Variants in ACIN1 observed in about 807,000 individuals in gnomAD.
ACIN1 encodes apoptotic chromatin condensation inducer in the nucleus.
In ACIN1, 16 loss-of-function variants were observed where a neutral mutation model predicts 146.6. The observed-to-expected ratio is 0.11, with a 90% confidence interval of 0.07 to 0.17. The LOEUF (loss-of-function observed/expected upper bound fraction) is 0.17. Ranked by LOEUF, ACIN1 falls within the 10% of genes least tolerant of loss-of-function variation. The pLI, the probability that ACIN1 is intolerant of heterozygous loss-of-function variation, is 1.00. For synonymous variants in ACIN1, 569 were observed against 582.7 expected (o/e 0.98, Z 0.34); for missense variants, 1,357 against 1,609.3 (o/e 0.84, Z 2.68).
Position 23,059,106 on chromosome 14 carries a change from G to A in ACIN1, c.*42C>T. On this transcript the variant is annotated 3_prime_UTR_variant, in exon 19 of 19. Transcript: ENST00000605057. Reference sequence around the variant, plus strand: ...TATCCCTCTGTGGCCATAACCCCCTGGGGCCGAGTGGCTGGTACCTGCAGC... The same window carrying A: ...TATCCCTCTGTGGCCATAACCCCCTAGGGCCGAGTGGCTGGTACCTGCAGC... 1 of 1,595,852 alleles carries A rather than the reference G, an allele frequency of 6.3e-7. No individual in the cohort carries two copies. The highest frequency in any genetic ancestry group is 8.6e-7 in the Non-Finnish European group (1 of 1,169,110).
intron 8 of ACIN1, among the ~76,000 whole-genome samples, chr14:23,072,420 A>G (rs758398527): frequency 3.9e-5 from 6 of 152,222 alleles, no homozygotes; most frequent in Non-Finnish European, 8.8e-5. Flanking sequence ...TAAAGTAGAT[A>G]AGACAGTGAA....
At chr14:23,094,879 T>A in intron 1 of ACIN1, 96 bp downstream of exon 1, 1 of 1,477,660 alleles carries the variant, frequency 6.8e-7, no homozygotes. Context: ...CTGAGCGAGC[T>A]CGCGCCGAGC....
Position 23,062,953 on chromosome 14 carries a change from G to A in ACIN1, c.2859C>T (p.Ser953=). ...CCAAATTGGAGATATGGACAATGTT[G>A]CTAATCTTGCCCCGGGGTGGGGAGG... ...QVPSPPRGKI[S]NIVHISNLVR... Residue 953 remains serine, a synonymous_variant, in exon 14 of 19, where the codon AGC becomes AGT. Transcript: ENST00000605057. 6.2e-7 allele frequency: 1 copy of A among 1,610,270 alleles called. No homozygotes were observed. The highest frequency in any genetic ancestry group is 1.1e-5 in the South Asian group (1 of 90,272).
chr14:23,091,568 A>G (rs1409844553), intron 2 of ACIN1, among the ~76,000 whole-genome samples: 3 of 74,678 alleles, frequency 4.0e-5, no homozygotes, highest in Non-Finnish European at 8.3e-5. Flanking sequence ...CCATCTCAAG[A>G]AAAAAAAAAA....
rs2047276947 is a variant in ACIN1 at position 23,061,461 on chromosome 14, C to T, written c.3261G>A (p.Gln1087=). Residue 1087 remains glutamine (Q), a synonymous_variant, in exon 17 of 19, where the codon CAG becomes CAA. Coordinates refer to ENST00000605057, the MANE Select transcript of ACIN1 (RefSeq NM_001386863.1). ...CCATTTCCCGTTCCCGTTCTGCCCA[C>T]TGTTCCCGCACTGCCCGTTCCTGCT... The part of the protein sequence containing the change: ...QREQERAVRE[Q]WAEREREMER... 3 of 1,472,930 alleles carry T rather than the reference C, an allele frequency of 2.0e-6. No homozygotes were observed. The highest frequency in any genetic ancestry group is 2.7e-6 in the Non-Finnish European group (3 of 1,091,786). The allele number at this position is 1,472,930 out of a possible 1,614,324, so 91.2% of individuals were successfully genotyped here. A position where few individuals can be genotyped will look rare whatever the true frequency, so the allele number is the denominator to read the frequency against.
intron 8 of ACIN1, among the ~76,000 whole-genome samples, chr14:23,070,849 G>A (rs758941344): frequency 1.1e-4 from 16 of 152,096 alleles, no homozygotes; most frequent in Admixed American, 1.0e-3. Flanking sequence ...GGGGAAAATC[G>A]GAACTGTGCC....
chr14:23,073,713 G>A (rs987194147), intron 8 of ACIN1, among the ~76,000 whole-genome samples: 1 of 152,122 alleles, frequency 6.6e-6, no homozygotes, highest in Non-Finnish European at 1.5e-5. Context: ...TTACACCACA[G>A]AAAATGTTAC....
At position 23,063,702 on chromosome 14, in the gene ACIN1, G is replaced by A. The variant is rs1048077902; in HGVS notation, c.2596-125C>T. Reference sequence around the variant, plus strand: ...ATGTTCCTTCCGCTAGGGGTATTTCGTTATCGGCTCACTTCTACCAGATCC... The same window carrying A: ...ATGTTCCTTCCGCTAGGGGTATTTCATTATCGGCTCACTTCTACCAGATCC... On this transcript the variant is annotated intron_variant, in intron 12 of 18. Transcript: ENST00000605057. 1.8e-5 allele frequency: 20 copies of A among 1,135,546 alleles called. No homozygotes were observed. In the South Asian group the frequency reaches 2.3e-4, roughly 13 times the overall value. 70.3% of individuals were successfully genotyped at this position (1,135,546 alleles called of 1,614,324 possible). A position where few individuals can be genotyped will look rare whatever the true frequency, so the allele number is the denominator to read the frequency against.
At chr14:23,066,067 G>C in intron 9 of ACIN1, 59 bp from the exon 10 acceptor site, 8 of 1,473,246 alleles carry the variant, frequency 5.4e-6, no homozygotes, top group Non-Finnish European at 7.6e-6. Context: ...ACAGAGAGGG[G>C]GGAAGGAGGT....
chr14:23,061,020 TC>T, intron 18 of ACIN1, 63 bp downstream of exon 18: 3 of 1,475,854 alleles, frequency 2.0e-6, no homozygotes, highest in Middle Eastern at 2.3e-4. Context: ...CACATGAATC[TC>T]CCCTCACCCT....
intron 1 of ACIN1, among the ~76,000 whole-genome samples, chr14:23,093,774 C>T (rs981803726): frequency 5.3e-5 from 8 of 152,174 alleles, no homozygotes; most frequent in Non-Finnish European, 7.3e-5. Flanking sequence ...ATATAAAATG[C>T]AGGCACACAG....
In ACIN1 at chr14:23,095,047, C is replaced by T; in HGVS notation, c.66G>A (p.Leu22=). ...KPLQALRVTD[L]KAALEQRGLA... The stretch of plus-strand genomic sequence containing the variant: ...GGCCTCGCTGCTCCAGTGCGGCCTT[C>T]AGGTCGGTCACCCGCAGCGCCTGAA... Residue 22 remains leucine, a synonymous_variant, in exon 1 of 19, where the codon CTG becomes CTA. Coordinates refer to ENST00000605057, the MANE Select transcript of ACIN1 (RefSeq NM_001386863.1). 1 of 1,613,762 alleles carries T rather than the reference C, an allele frequency of 6.2e-7. No individual in the cohort carries two copies. Among genetic ancestry groups the T allele is most frequent in the Non-Finnish European group, 8.5e-7 (1 of 1,180,038 alleles).
chr14:23,063,337 A>T, intron 13 of ACIN1, 99 bp downstream of exon 13: 1 of 1,448,852 alleles, frequency 6.9e-7, no homozygotes. Flanking sequence ...AAAAAATATA[A>T]TGAAAGGCAG....
At chr14:23,074,303 C>A (rs187364687) in intron 8 of ACIN1, among the ~76,000 whole-genome samples, 5 of 151,848 alleles carry the variant, frequency 3.3e-5, no homozygotes, top group African/African-American at 1.2e-4. Flanking sequence ...TGGTGGCTCA[C>A]GCCTGTAATA....
In ACIN1 at chr14:23,080,004, G is replaced by A; in HGVS notation, c.1331C>T (p.Pro444Leu). The A allele has an allele frequency of 6.2e-7, 1 of 1,614,076 alleles. No homozygotes were observed. The highest frequency in any genetic ancestry group is 1.1e-5 in the South Asian group (1 of 91,082). The change falls in exon 6 of 19, where the codon CCT becomes CTT. Residue 444 changes from proline (P) to leucine (L), a missense_variant. Pro to Leu is a moderately conservative substitution (Grantham distance 98). Coordinates refer to ENST00000605057, the MANE Select transcript of ACIN1 (RefSeq NM_001386863.1). ...AEKVPEESVL[P>L]LVQKSTLADY... is the part of the protein sequence containing the mutation. Reference sequence around the variant, plus strand: ...AGCCAGTGTGCTTTTCTGAACCAGAGGCAGGACACTCTCCTCTGGCACTTT... The same window carrying A: ...AGCCAGTGTGCTTTTCTGAACCAGAAGCAGGACACTCTCCTCTGGCACTTT...
At position 23,076,789 on chromosome 14, in the gene ACIN1, G is replaced by A. The variant is rs139153477; in HGVS notation, c.2123+1362C>T. Among the ~76,000 whole-genome samples the A allele has an allele frequency of 4.6e-5, 7 of 152,280 alleles. No individual in the cohort carries two copies. In the East Asian group the frequency reaches 1.4e-3, roughly 29 times the overall value. On this transcript the variant is annotated intron_variant, in intron 8 of 18. Transcript: ENST00000605057. ...CCTCCATGGAATTGGGAGGAGGGGG[G>A]CAGGTATTATGTCTGGTTGAGGGAT...
rs1287984849 is a variant in ACIN1 at position 23,071,048 on chromosome 14, G to A, written c.2124-1431C>T. On this transcript the variant is annotated intron_variant, in intron 8 of 18. Transcript: ENST00000605057. ...AACCAAAACGAAAGACGGAATGAAAGCCATGAGGAAGAGAAGGAAGACGAA... is the reference window on the plus strand; with the variant it reads ...AACCAAAACGAAAGACGGAATGAAAACCATGAGGAAGAGAAGGAAGACGAA... The A allele has an allele frequency of 1.0e-5, 15 of 1,441,154 alleles. No individual in the cohort carries two copies. The Admixed American group carries it at 3.1e-4, about 30-fold the overall frequency. 89.3% of individuals were successfully genotyped at this position (1,441,154 alleles called of 1,614,324 possible). A position where few individuals can be genotyped will look rare whatever the true frequency, so the allele number is the denominator to read the frequency against.
At position 23,064,247 on chromosome 14, in the gene ACIN1, G is replaced by A. The variant is rs1441930585; in HGVS notation, c.2453C>T (p.Pro818Leu). 1 of 1,614,026 alleles carries A rather than the reference G, an allele frequency of 6.2e-7. No individual in the cohort carries two copies. The highest frequency in any genetic ancestry group is 2.2e-5 in the East Asian group (1 of 44,884). ...CTGCCCCGCCAGGGGTTTGATGTCG[G>A]GGATGAGGCTCTGGGACACAGATAC... Reference protein sequence around the residue: ...ITTESLKSLIPDIKPLAGQEA... With the variant: ...ITTESLKSLILDIKPLAGQEA... The change falls in exon 12 of 19, where the codon CCC (proline) becomes CTC (leucine). Residue 818 changes from proline to leucine, a missense_variant. Around this residue, in one of 4 missense-constraint regions of ACIN1, gnomAD observed 509 missense variants for 719.6 expected, o/e 0.71. Coordinates refer to ENST00000605057, the MANE Select transcript of ACIN1 (RefSeq NM_001386863.1).
intron 8 of ACIN1, chr14:23,071,216 C>A: frequency 2.0e-6 from 3 of 1,510,596 alleles, no homozygotes; most frequent in Admixed American, 2.6e-5. Context: ...AAAAACCAAA[C>A]AAAAAAAATC....
Sources: allele counts gnomAD v4.1 joint callset (sites outside exome capture counted in the v4.1 genomes callset), GRCh38; gene constraint gnomAD v4.1.1; regional missense constraint gnomAD v4.1.1; transcripts MANE v1.5; gene names NCBI Gene and HGNC (gene_info 2026-07-23, HGNC 2026-07-21).